FBXW4: variants seen among roughly 807,000 people sequenced by gnomAD.
FBXW4 encodes the protein F-box and WD repeat domain containing 4.
Under a neutral mutation model 61.8 loss-of-function variants are expected in FBXW4, and 40 were observed. The observed-to-expected ratio is 0.65, with a 90% CI of 0.50 to 0.84. The LOEUF (loss-of-function observed/expected upper bound fraction) is 0.84, where lower values mean the gene tolerates loss of function less well. FBXW4 is among the 40% of genes least tolerant of loss of function. The pLI, the probability that FBXW4 is intolerant of heterozygous loss-of-function variation, is 0.00. For synonymous variants in FBXW4, 311 were observed against 313.8 expected (o/e 0.99, Z 0.10); for missense variants, 672 against 753.8 (o/e 0.89, Z 1.27).
intron 5 of FBXW4, chr10:101,627,966 A>G (rs1237200105): frequency 2.1e-5 from 21 of 985,208 alleles, no homozygotes; most frequent in Non-Finnish European, 2.2e-5. Flanking sequence ...ACCCAAACAA[A>G]ATGCTGTGCT....
At chr10:101,617,625 T>C (rs904335835) in intron 6 of FBXW4, among the ~76,000 whole-genome samples, 1 of 152,186 alleles carries the variant, frequency 6.6e-6, no homozygotes, top group African/African-American at 2.4e-5. Context: ...TCAGACACAA[T>C]GGCTCAAAGG....
chr10:101,617,919 G>A (rs548328112), intron 6 of FBXW4, among the ~76,000 whole-genome samples: 29 of 152,354 alleles, frequency 1.9e-4, no homozygotes, highest in African/African-American at 6.7e-4. Context: ...AAAGCTATCA[G>A]TAATGCTTTC....
chr10:101,688,642 G>A (rs1444030229), intron 1 of FBXW4, among the ~76,000 whole-genome samples: 1 of 152,136 alleles, frequency 6.6e-6, no homozygotes, highest in Non-Finnish European at 1.5e-5. Flanking sequence ...ATTACAATTG[G>A]AGTTCCATCT....
chr10:101,619,610 G>C (rs1437077800), intron 6 of FBXW4, among the ~76,000 whole-genome samples: 1 of 150,718 alleles, frequency 6.6e-6, no homozygotes, highest in Non-Finnish European at 1.5e-5. Context: ...AGTGAGCCGA[G>C]ATAGCACCAC....
chr10:101,669,382 C>T (rs535553828), intron 4 of FBXW4, among the ~76,000 whole-genome samples: 1 of 152,138 alleles, frequency 6.6e-6, no homozygotes, highest in Non-Finnish European at 1.5e-5. Flanking sequence ...GACACAAACT[C>T]CCTGGGAGGC....
chr10:101,653,643 C>T (rs367644540), intron 5 of FBXW4, among the ~76,000 whole-genome samples: 31 of 152,328 alleles, frequency 2.0e-4, no homozygotes, highest in African/African-American at 7.2e-4. Context: ...CCTCTGATTT[C>T]CTGTCAATAA....
intron 5 of FBXW4, among the ~76,000 whole-genome samples, chr10:101,656,768 G>C (rs900266051): frequency 1.3e-5 from 2 of 152,146 alleles, no homozygotes; most frequent in South Asian, 4.1e-4. Context: ...TGGAAAACAT[G>C]GGGGTGGGAA....
intron 5 of FBXW4, chr10:101,659,470 G>C: frequency 1.0e-6 from 1 of 982,364 alleles, no homozygotes. Context: ...TCACTGTCCA[G>C]AGAAGAAAGC....
chr10:101,612,212 C>CTCTT (rs1397607067), intron 7 of FBXW4, 125 bp downstream of exon 7: 1 of 1,171,396 alleles, frequency 8.5e-7, no homozygotes, highest in African/African-American at 1.6e-5. Flanking sequence ...CCTTGCAGGC[C>CTCTT]TCTTCCTTCC....
intron 1 of FBXW4, among the ~76,000 whole-genome samples, chr10:101,693,704 G>A (rs1442330129): frequency 6.6e-6 from 1 of 152,082 alleles, no homozygotes; most frequent in Admixed American, 6.5e-5. Context: ...AGTTTAAGTG[G>A]TTCAGAAAAG....
chr10:101,691,549 A>G (rs1159597764), intron 1 of FBXW4, among the ~76,000 whole-genome samples: 1 of 152,168 alleles, frequency 6.6e-6, no homozygotes, highest in Non-Finnish European at 1.5e-5. Flanking sequence ...AGCATTTTAC[A>G]CCATAAATTC....
At chr10:101,639,572 C>G (rs2064033813) in intron 5 of FBXW4, among the ~76,000 whole-genome samples, 1 of 152,206 alleles carries the variant, frequency 6.6e-6, no homozygotes, top group Non-Finnish European at 1.5e-5. Context: ...CTGAGAGATC[C>G]ACCATGTTCT....
At chr10:101,623,847 A>T (rs2134816041) in intron 6 of FBXW4, among the ~76,000 whole-genome samples, 1 of 152,334 alleles carries the variant, frequency 6.6e-6, no homozygotes, top group Non-Finnish European at 1.5e-5. Flanking sequence ...ATATTGTATG[A>T]TTCCATTTAT....
chr10:101,645,580 G>A lies in FBXW4; in HGVS notation c.1236-20770C>T, dbSNP rs79237385. 7.3e-3 allele frequency among the ~76,000 whole-genome samples: 1,106 copies of A among 152,330 alleles called. 14 individuals are homozygous for A. Among genetic ancestry groups the A allele is most frequent in the African/African-American group, 0.025 (1,036 of 41,568 alleles). ...GATTTTGCCTGGGCAATCCCTGAGC[G>A]GGGAACAGACAAAGACAGGGCTTCA... On this transcript the variant is annotated intron_variant, in intron 5 of 8. Transcript: ENST00000331272.
intron 6 of FBXW4, among the ~76,000 whole-genome samples, chr10:101,612,781 G>A (rs961358422): frequency 6.6e-6 from 1 of 151,956 alleles, no homozygotes; most frequent in Non-Finnish European, 1.5e-5. Flanking sequence ...GAATGGGGGG[G>A]CTTGCTGAAG....
chr10:101,681,612 A>G (rs1265118105), intron 1 of FBXW4, among the ~76,000 whole-genome samples: 2 of 148,816 alleles, frequency 1.3e-5, no homozygotes, highest in Non-Finnish European at 3.0e-5. Context: ...AGCTACTCGG[A>G]AGGCTGAGGT....
At chr10:101,669,911 T>C (rs1024191777) in intron 4 of FBXW4, among the ~76,000 whole-genome samples, 7 of 152,166 alleles carry the variant, frequency 4.6e-5, no homozygotes, top group African/African-American at 1.7e-4. Context: ...CCTGCCACCA[T>C]GCCTGGCTAA....
intron 2 of FBXW4, 106 bp downstream of exon 2, chr10:101,676,235 A>C (rs1052704226): frequency 4.1e-6 from 3 of 734,860 alleles, no homozygotes; most frequent in Non-Finnish European, 4.4e-6. Flanking sequence ...ACCAGTGCCC[A>C]CCCACCCAAG....
chr10:101,655,856 G>A (rs2064180670), intron 5 of FBXW4, among the ~76,000 whole-genome samples: 1 of 152,220 alleles, frequency 6.6e-6, no homozygotes, highest in African/African-American at 2.4e-5. Flanking sequence ...ATCCTAGTGG[G>A]AGACTGCTCC....
Sources: gnomAD v4.1 joint callset for allele counts (sites outside exome capture counted in the v4.1 genomes callset) on GRCh38, gnomAD v4.1.1 for gene constraint, MANE v1.5 for transcripts, NCBI Gene and HGNC (gene_info 2026-07-23, HGNC 2026-07-21) for gene names.